PCDHGB1: variants seen among roughly 807,000 people sequenced by gnomAD.
PCDHGB1 encodes the protein protocadherin gamma-B1.
A neutral mutation model predicts 56.6 loss-of-function variants in PCDHGB1; 34 were observed. The ratio of observed to expected loss-of-function variants is 0.60; its 90% CI spans 0.46 to 0.80. The LOEUF (loss-of-function observed/expected upper bound fraction) is 0.80, where lower values mean the gene tolerates loss of function less well. PCDHGB1 is among the 30% of genes least tolerant of loss of function. PCDHGB1 has a pLI of 0.00. For missense variants in PCDHGB1, 1,278 were observed against 1,204.6 expected (o/e 1.06, Z -0.90); for synonymous variants, 561 against 505.9 (o/e 1.11, Z -1.46).
In PCDHGB1 at chr5:141,476,467, G is replaced by A. The variant is rs375302797; in HGVS notation, c.2410-18340G>A. On this transcript the variant is annotated intron_variant, in intron 1 of 3. Transcript: ENST00000523390. This position sits in a 1 kb window ranked among gnomAD's most constrained non-coding sequence, Gnocchi z 7.6. Reference sequence around the variant, plus strand: ...AGTTGGTAGTGGAGAACCCGCTGGAGCTGTTCAGCGTGGAAGTGGTGATCC... The same window carrying A: ...AGTTGGTAGTGGAGAACCCGCTGGAACTGTTCAGCGTGGAAGTGGTGATCC... The A allele has an allele frequency of 2.3e-5, 37 of 1,614,142 alleles. No individual in the cohort carries two copies. The African/African-American group carries it at 4.5e-4, about 20-fold the overall frequency.
At position 141,385,580 on chromosome 5, in the gene PCDHGB1, A is replaced by G. The variant is rs2090291043; in HGVS notation, c.2409+32911A>G. On this transcript the variant is annotated intron_variant, in intron 1 of 3. Transcript: ENST00000523390. Reference sequence around the variant, plus strand: ...ATAATTTCCACCTACTTTCCAATCTATGTTCCAACCTACTTTCTTAACTCA... The same window carrying G: ...ATAATTTCCACCTACTTTCCAATCTGTGTTCCAACCTACTTTCTTAACTCA... The G allele has an allele frequency of 4.7e-6, 6 of 1,280,456 alleles. No individual in the cohort carries two copies. The South Asian group carries it at 1.2e-4, about 25-fold the overall frequency. The allele number at this position is 1,280,456 out of a possible 1,614,324, so 79.3% of individuals were successfully genotyped here.
At chr5:141,418,828 C>G in intron 1 of PCDHGB1, 1 of 1,613,978 alleles carries the variant, frequency 6.2e-7, no homozygotes, top group Non-Finnish European at 8.5e-7. Flanking sequence ...AAGCAAAAGA[C>G]CGAGGATCTC....
At position 141,475,845 on chromosome 5, in the gene PCDHGB1, G is replaced by A. The variant is rs2099375736; in HGVS notation, c.2410-18962G>A. On this transcript the variant is annotated intron_variant, in intron 1 of 3. Coordinates refer to ENST00000523390, the MANE Select transcript of PCDHGB1 (RefSeq NM_018922.3). ...CGCTAGCGCGTGTCCTGCTCAGAGA[G>A]CCCGGCGCTAGCTCATTCTTCGTGC... The A allele has an allele frequency of 2.0e-5, 9 of 447,884 alleles. 1 individual carries two copies. In the South Asian group the frequency reaches 2.8e-4, roughly 14 times the overall value. 27.7% of individuals were successfully genotyped at this position (447,884 alleles called of 1,614,324 possible).
chr5:141,423,895 G>T, intron 1 of PCDHGB1: 1 of 1,277,758 alleles, frequency 7.8e-7, no homozygotes, highest in Non-Finnish European at 9.9e-7. Flanking sequence ...ATTTTCTTTT[G>T]ATTTCAAAGG....
chr5:141,509,148 C>T (rs1345910772), intron 3 of PCDHGB1, among the ~76,000 whole-genome samples: 1 of 152,198 alleles, frequency 6.6e-6, no homozygotes, highest in Non-Finnish European at 1.5e-5. Context: ...CATCCCGGCT[C>T]TCCCCTCCCG....
intron 1 of PCDHGB1, among the ~76,000 whole-genome samples, chr5:141,453,823 G>A (rs2154564414): frequency 6.6e-6 from 1 of 152,250 alleles, no homozygotes; most frequent in South Asian, 2.1e-4. Flanking sequence ...GACAAACTTG[G>A]CTGCTAGCCC....
chr5:141,486,029 C>G lies in PCDHGB1; in HGVS notation c.2410-8778C>G. Reference sequence around the variant, plus strand: ...CACCTTTTATTTCAGTGGTCATACCCCTGATCGTGTAAGAAACCTCTTTAG... The same window carrying G: ...CACCTTTTATTTCAGTGGTCATACCGCTGATCGTGTAAGAAACCTCTTTAG... On this transcript the variant is annotated intron_variant, in intron 1 of 3. Transcript: ENST00000523390. The surrounding 1 kb of genome is among the most constrained non-coding windows in gnomAD (Gnocchi z 5.0). 6.2e-7 allele frequency: 1 copy of G among 1,614,016 alleles called. No homozygotes were observed. Among genetic ancestry groups the G allele is most frequent in the Non-Finnish European group, 8.5e-7 (1 of 1,179,900 alleles).
chr5:141,478,849 C>A, intron 1 of PCDHGB1: 1 of 1,375,282 alleles, frequency 7.3e-7, no homozygotes, highest in Non-Finnish European at 9.6e-7. Flanking sequence ...TAAGCTAAAA[C>A]ACAAGATCTC....
intron 1 of PCDHGB1, chr5:141,365,026 C>G (rs897510737): frequency 2.5e-6 from 4 of 1,613,890 alleles, no homozygotes; most frequent in Non-Finnish European, 3.4e-6. Flanking sequence ...GTGTTACGGT[C>G]CTCGACGCAA....
chr5:141,380,816 A>T (rs546532723), intron 1 of PCDHGB1, among the ~76,000 whole-genome samples: 1 of 152,256 alleles, frequency 6.6e-6, no homozygotes, highest in Non-Finnish European at 1.5e-5. Flanking sequence ...AGATGAAACT[A>T]TGAATTTTGA....
Position 141,489,690 on chromosome 5 carries a change from A to T in PCDHGB1, c.2410-5117A>T. The T allele has an allele frequency of 6.2e-7, 1 of 1,614,198 alleles. No individual in the cohort carries two copies. The highest frequency in any genetic ancestry group is 8.5e-7 in the Non-Finnish European group (1 of 1,180,024). ...TCTCAGAATCAGCAGCATCTGGGGC[A>T]CGATTCCCACTGGACAGTGCCCAGG... On this transcript the variant is annotated intron_variant, in intron 1 of 3. Coordinates refer to ENST00000523390, the MANE Select transcript of PCDHGB1 (RefSeq NM_018922.3). The surrounding 1 kb of genome is among the most constrained non-coding windows in gnomAD (Gnocchi z 4.5).
chr5:141,422,940 C>G, intron 1 of PCDHGB1: 3 of 1,614,242 alleles, frequency 1.9e-6, no homozygotes, highest in Non-Finnish European at 1.7e-6. Context: ...TCCCCACAGA[C>G]GGCTCCACTG....
rs764957747 is a variant in PCDHGB1, at chr5:141,505,453, G to A, written c.2529G>A (p.Leu843=). Residue 843 remains leucine (L), a synonymous_variant, in exon 3 of 4, where the codon CTG becomes CTA. Coordinates refer to ENST00000523390, the MANE Select transcript of PCDHGB1 (RefSeq NM_018922.3). ...ACAACCAGTTTGACACAGAGATGCT[G>A]CAAGCCATGATCTTGGCGTCCGCCA... ...WPNNQFDTEM[L]QAMILASASE... 3 of 1,614,190 alleles carry A rather than the reference G, an allele frequency of 1.9e-6. No individual in the cohort carries two copies. Among genetic ancestry groups the A allele is most frequent in the Non-Finnish European group, 2.5e-6 (3 of 1,180,012 alleles).
Position 141,352,456 on chromosome 5 carries a change from G to A in PCDHGB1, c.2196G>A (p.Gly732=). 2 of 1,614,010 alleles carry A rather than the reference G, an allele frequency of 1.2e-6. No individual in the cohort carries two copies. The highest frequency in any genetic ancestry group is 1.7e-6 in the Non-Finnish European group (2 of 1,179,886). Residue 732 remains glycine (G), a synonymous_variant, in exon 1 of 4, where the codon GGG becomes GGA. Transcript: ENST00000523390. ...AAACCGGTCTCTGCTCCAAGTCTGG[G>A]CCCGGGGTTCCTCCCAACCACAGCG... ...CFQTGLCSKS[G]PGVPPNHSEG...
intron 1 of PCDHGB1, among the ~76,000 whole-genome samples, chr5:141,437,026 A>G (rs1398960659): frequency 6.6e-6 from 1 of 152,258 alleles, no homozygotes; most frequent in Non-Finnish European, 1.5e-5. Context: ...TCACCAGAAA[A>G]TGGATCACCG....
rs1758662853 is a variant in PCDHGB1, at chr5:141,351,168, T to C, written c.908T>C (p.Leu303Ser). 1 of 1,613,866 alleles carries C rather than the reference T, an allele frequency of 6.2e-7. No homozygotes were observed. Among genetic ancestry groups the C allele is most frequent in the African/African-American group, 1.3e-5 (1 of 74,922 alleles). ...GGCGACATCACAACCAATGGCACAT[T>C]GGATTTTGAAGAGACAAGTAGATAT... is the stretch of plus-strand genomic sequence containing the variant. ...NTGDITTNGT[L>S]DFEETSRYVL... Residue 303 changes from leucine to serine, a missense_variant, in exon 1 of 4, where the codon TTG (leucine) becomes TCG (serine). Coordinates refer to ENST00000523390, the MANE Select transcript of PCDHGB1 (RefSeq NM_018922.3).
rs776685212 is a variant in PCDHGB1 at position 141,370,880 on chromosome 5, A to T, written c.2409+18211A>T. The stretch of plus-strand genomic sequence containing the variant: ...TGGAATCTGCGCAAGATCCTGATGT[A>T]GGTGTCAATTCGCTGCAGCAGTACT... On this transcript the variant is annotated intron_variant, in intron 1 of 3. Coordinates refer to ENST00000523390, the MANE Select transcript of PCDHGB1 (RefSeq NM_018922.3). 4 of 1,614,042 alleles carry T rather than the reference A, an allele frequency of 2.5e-6. No individual in the cohort carries two copies. In the South Asian group the frequency reaches 3.3e-5, roughly 13 times the overall value.
At position 141,471,055 on chromosome 5, in the gene PCDHGB1, T is replaced by C. The variant is rs1229791864; in HGVS notation, c.2410-23752T>C. Reference sequence around the variant, plus strand: ...AACAAGCCCAAGCCCTCTTTTTTTTTTTTTTTTTTTTGAGACAGGGTCTCC... The same window carrying C: ...AACAAGCCCAAGCCCTCTTTTTTTTCTTTTTTTTTTTGAGACAGGGTCTCC... On this transcript the variant is annotated intron_variant, in intron 1 of 3. Coordinates refer to ENST00000523390, the MANE Select transcript of PCDHGB1 (RefSeq NM_018922.3). Among the ~76,000 whole-genome samples the C allele has an allele frequency of 1.7e-4, 25 of 148,764 alleles. 2 individuals are homozygous for C. The Admixed American group carries it at 1.7e-3, about 10-fold the overall frequency.
At chr5:141,419,313 G>T in intron 1 of PCDHGB1, 1 of 1,613,974 alleles carries the variant, frequency 6.2e-7, no homozygotes, top group Non-Finnish European at 8.5e-7. Context: ...GGGCTCAACG[G>T]CCGTGTCTCC....
Sources: gnomAD v4.1 joint callset for allele counts (sites outside exome capture counted in the v4.1 genomes callset) on GRCh38, gnomAD v4.1.1 for gene constraint, Gnocchi (gnomAD v3.1) non-coding constraint, MANE v1.5 for transcripts, NCBI Gene and HGNC (gene_info 2026-07-23, HGNC 2026-07-21) for gene names.